The following MAPK4 variants were observed in gnomAD, a reference collection of about 807,000 sequenced individuals.
MAPK4 encodes Erk3-related.
MAPK4 carries 22 observed loss-of-function variants against 47.7 expected under a neutral mutation model. The observed-to-expected ratio is 0.46, with a 90% CI of 0.33 to 0.66. The LOEUF (loss-of-function observed/expected upper bound fraction) is 0.66, where lower values mean the gene tolerates loss of function less well. Ranked by LOEUF, MAPK4 falls within the 30% of genes least tolerant of loss-of-function variation. The probability of loss-of-function intolerance (pLI) is 0.02; values close to 1 mark genes in which losing one functional copy is unlikely to be tolerated. For missense variants in MAPK4, 736 were observed against 831.7 expected, an observed-to-expected ratio of 0.88 and a Z score of 1.42; for synonymous variants, 390 against 365.7, an observed-to-expected ratio of 1.07 and a Z score of -0.76.
chr18:50,729,203 G>A lies in MAPK4; in HGVS notation c.1113G>A (p.Arg371=). ...LSSDLEWRPD[R]CQDASEVQRD... The stretch of plus-strand genomic sequence containing the variant: ...CGGACCTGGAGTGGCGGCCTGACCG[G>A]TGCCAGGACGCCAGCGAGGTACAGC... The change falls in exon 6 of 6, where the codon CGG becomes CGA. Residue 371 remains arginine (R), a synonymous_variant. Coordinates refer to ENST00000400384, the MANE Select transcript of MAPK4 (RefSeq NM_002747.4). 1.9e-6 allele frequency: 3 copies of A among 1,596,854 alleles called. No individual in the cohort carries two copies. Among genetic ancestry groups the A allele is most frequent in the Non-Finnish European group, 2.6e-6 (3 of 1,166,826 alleles).
chr18:50,637,063 A>G (rs2042895100), intron 1 of MAPK4, among the ~76,000 whole-genome samples: 1 of 151,570 alleles, frequency 6.6e-6, no homozygotes, highest in African/African-American at 2.4e-5. Flanking sequence ...TGGTGAGAAC[A>G]CTGGACGGGA....
chr18:50,659,296 A>G (rs1424971906), intron 1 of MAPK4, among the ~76,000 whole-genome samples: 2 of 152,188 alleles, frequency 1.3e-5, no homozygotes, highest in African/African-American at 2.4e-5. Flanking sequence ...TAGCATGCTC[A>G]GCTGGAAATA....
At chr18:50,695,209 G>C (rs1031239485) in intron 2 of MAPK4, among the ~76,000 whole-genome samples, 2 of 151,968 alleles carry the variant, frequency 1.3e-5, no homozygotes, top group Non-Finnish European at 2.9e-5. Flanking sequence ...AGCCGGGTAT[G>C]GTGGCACATG....
At chr18:50,599,560 G>T (rs1040008384) in intron 1 of MAPK4, among the ~76,000 whole-genome samples, 1 of 152,102 alleles carries the variant, frequency 6.6e-6, no homozygotes, top group Non-Finnish European at 1.5e-5. Flanking sequence ...TGGGAGTAAA[G>T]GCATGTGCCA....
chr18:50,656,218 T>C (rs1434898446), intron 1 of MAPK4, among the ~76,000 whole-genome samples: 1 of 152,180 alleles, frequency 6.6e-6, no homozygotes, highest in Non-Finnish European at 1.5e-5. Context: ...AAAACAACAT[T>C]TATTACCACG....
intron 3 of MAPK4, among the ~76,000 whole-genome samples, chr18:50,718,697 TAA>T (rs1910765681): frequency 6.6e-6 from 1 of 152,218 alleles, no homozygotes; most frequent in African/African-American, 2.4e-5. Flanking sequence ...CTTCTTCCAG[TAA>T]GTATTTAAAA....
intron 1 of MAPK4, among the ~76,000 whole-genome samples, chr18:50,632,144 G>A (rs776173531): frequency 2.0e-5 from 3 of 152,096 alleles, no homozygotes; most frequent in Non-Finnish European, 4.4e-5. Flanking sequence ...ATTTCATGCC[G>A]TTGAGGGGAA....
chr18:50,588,886 A>G (rs1222544701), intron 1 of MAPK4, among the ~76,000 whole-genome samples: 1 of 152,166 alleles, frequency 6.6e-6, no homozygotes, highest in Non-Finnish European at 1.5e-5. Context: ...GTGAGGGGAG[A>G]TGTGAACATA....
chr18:50,724,195 G>A (rs1033843515), intron 4 of MAPK4, among the ~76,000 whole-genome samples: 1 of 151,910 alleles, frequency 6.6e-6, no homozygotes, highest in Non-Finnish European at 1.5e-5. Flanking sequence ...AATTTTTTTT[G>A]TAGAGACAAC....
chr18:50,632,317 G>A (rs1205664852), intron 1 of MAPK4, among the ~76,000 whole-genome samples: 1 of 152,134 alleles, frequency 6.6e-6, no homozygotes, highest in African/African-American at 2.4e-5. Flanking sequence ...GTGAGGGGAG[G>A]CCAATTTTCT....
chr18:50,717,906 T>A (rs1416475319), intron 3 of MAPK4, among the ~76,000 whole-genome samples: 1 of 152,210 alleles, frequency 6.6e-6, no homozygotes, highest in South Asian at 2.1e-4. Flanking sequence ...CAGCTGCTCA[T>A]CTGCTGTGTG....
intron 1 of MAPK4, among the ~76,000 whole-genome samples, chr18:50,624,483 T>C (rs1473096625): frequency 6.6e-6 from 1 of 152,228 alleles, no homozygotes; most frequent in Non-Finnish European, 1.5e-5. Flanking sequence ...GTTCACCTAA[T>C]ATTGTTAATA....
At chr18:50,571,650 C>T (rs995482023) in intron 1 of MAPK4, among the ~76,000 whole-genome samples, 10 of 152,218 alleles carry the variant, frequency 6.6e-5, no homozygotes, top group African/African-American at 2.4e-4. Context: ...TGAGACCCAT[C>T]AGGGCCATTT....
rs764981051 is a variant in MAPK4, at chr18:50,729,865, G to A, written c.*11G>A. Reference sequence around the variant, plus strand: ...AAAGAAAGGTGGTGAGGGCGGAGGGGCCGCTCCAGGCCCCACAGAGCAGGA... The same window carrying A: ...AAAGAAAGGTGGTGAGGGCGGAGGGACCGCTCCAGGCCCCACAGAGCAGGA... On this transcript the variant is annotated 3_prime_UTR_variant, in exon 6 of 6. Transcript: ENST00000400384. The A allele has an allele frequency of 1.9e-6, 3 of 1,580,210 alleles. No homozygotes were observed. The Admixed American group carries it at 5.2e-5, about 27-fold the overall frequency.
At chr18:50,614,686 C>A (rs1442587904) in intron 1 of MAPK4, among the ~76,000 whole-genome samples, 1 of 152,160 alleles carries the variant, frequency 6.6e-6, no homozygotes, top group Non-Finnish European at 1.5e-5. Flanking sequence ...CGTATTATCT[C>A]TAGACCTATC....
Position 50,730,705 on chromosome 18 carries a change from A to G in MAPK4, c.*851A>G, listed in dbSNP as rs1208816333. 1 of 152,334 alleles carries G rather than the reference A, an allele frequency of 6.6e-6. No individual in the cohort carries two copies. Among genetic ancestry groups the G allele is most frequent in the Non-Finnish European group, 1.5e-5 (1 of 68,000 alleles). 9.4% of individuals were successfully genotyped at this position (152,334 alleles called of 1,614,324 possible). On this transcript the variant is annotated 3_prime_UTR_variant, in exon 6 of 6. Coordinates refer to ENST00000400384, the MANE Select transcript of MAPK4 (RefSeq NM_002747.4). ...CTATGCACTTTCCTGACACGCAAAG[A>G]CACAGCCCTCTTTCCCCACTGGGCG...
At chr18:50,711,499 A>G (rs1238328713) in intron 2 of MAPK4, among the ~76,000 whole-genome samples, 1 of 152,254 alleles carries the variant, frequency 6.6e-6, no homozygotes. Flanking sequence ...TTCTCAGAGC[A>G]GTGATGTTAC....
intron 1 of MAPK4, among the ~76,000 whole-genome samples, chr18:50,613,803 G>A (rs1281293783): frequency 6.6e-6 from 1 of 152,048 alleles, no homozygotes; most frequent in Non-Finnish European, 1.5e-5. Flanking sequence ...ATACTATTGT[G>A]GGCTCTGACT....
At chr18:50,683,322 C>T (rs1022151065) in intron 2 of MAPK4, among the ~76,000 whole-genome samples, 1 of 151,958 alleles carries the variant, frequency 6.6e-6, no homozygotes, top group East Asian at 1.9e-4. Context: ...GGAGTCTCAC[C>T]ATGTTGGCCA....
Sources: allele counts gnomAD v4.1 joint callset (sites outside exome capture counted in the v4.1 genomes callset), GRCh38; gene constraint gnomAD v4.1.1; transcripts MANE v1.5; gene names NCBI Gene and HGNC (gene_info 2026-07-23, HGNC 2026-07-21).